ATP13A5: variants seen among roughly 807,000 people sequenced by gnomAD.
ATP13A5 encodes ATPase 13A5.
A neutral mutation model predicts 150.2 loss-of-function variants in ATP13A5; 149 were observed. The observed-to-expected ratio is 0.99, with a 90% CI of 0.87 to 1.14. The LOEUF is 1.14. Among genes scored for constraint, ATP13A5 ranks in the 50% most tolerant of loss-of-function variants. The probability of loss-of-function intolerance (pLI) is 0.00; values close to 1 mark genes in which losing one functional copy is unlikely to be tolerated. For missense variants in ATP13A5, 1,383 were observed against 1,449.3 expected (o/e 0.95, Z 0.74); for synonymous variants, 497 against 522.2 (o/e 0.95, Z 0.66).
intron 26 of ATP13A5, among the ~76,000 whole-genome samples, chr3:193,288,269 A>G (rs1164911040): frequency 6.6e-6 from 1 of 152,160 alleles, no homozygotes; most frequent in Admixed American, 6.6e-5. Context: ...ATTTGAAAGT[A>G]CTGAGATGGG....
Position 193,311,894 on chromosome 3 carries a change from T to G in ATP13A5, c.2367A>C (p.Gly789=). The change falls in exon 20 of 30, where the codon GGA becomes GGC. Residue 789 remains glycine (G), a synonymous_variant. Transcript: ENST00000342358. The stretch of plus-strand genomic sequence containing the variant: ...TCATTGCAAAATGGTAACAGCTTCC[T>G]CCTTCCCCACGAGGGGTTGAACTGT... ...TGNSSTPRGE[G]GSCYHFAMSG... 1.2e-6 allele frequency: 2 copies of G among 1,613,980 alleles called. No individual in the cohort carries two copies. Among genetic ancestry groups the G allele is most frequent in the Non-Finnish European group, 1.7e-6 (2 of 1,179,880 alleles).
intron 24 of ATP13A5, among the ~76,000 whole-genome samples, chr3:193,300,259 G>A (rs184803262): frequency 5.3e-5 from 8 of 152,120 alleles, no homozygotes; most frequent in Admixed American, 3.9e-4. Context: ...ATTTCCAACC[G>A]CAGCTTTAGT....
intron 7 of ATP13A5, 133 bp from the exon 8 acceptor site, chr3:193,345,208 T>C (rs1480818165): frequency 2.5e-6 from 2 of 785,610 alleles, no homozygotes; most frequent in Middle Eastern, 3.2e-4. Flanking sequence ...CTTCTTTTGA[T>C]GCTTCAGCTT....
chr3:193,351,201 C>A lies in ATP13A5; in HGVS notation c.607G>T (p.Val203Phe). The change falls in exon 7 of 30, where the codon GTT (valine) becomes TTT (phenylalanine). Residue 203 changes from valine (V) to phenylalanine (F), a missense_variant and splice_region_variant. This residue lies in a region of ATP13A5 where 787 missense variants were observed against 771.9 expected (regional missense o/e 1.02). Transcript: ENST00000342358. ...QPIWKLLVKQ[V>F]LNPFYVFQAF... Reference sequence around the variant, plus strand: ...TGGAACACATAGAATGGATTTAAAACCTGCAGGCACAAAAATGGCATTTGG... The same window carrying A: ...TGGAACACATAGAATGGATTTAAAAACTGCAGGCACAAAAATGGCATTTGG... 1 of 1,613,532 alleles carries A rather than the reference C, an allele frequency of 6.2e-7. No individual in the cohort carries two copies. Among genetic ancestry groups the A allele is most frequent in the Non-Finnish European group, 8.5e-7 (1 of 1,179,584 alleles).
At chr3:193,338,222 A>C (rs1169136259) in intron 9 of ATP13A5, among the ~76,000 whole-genome samples, 1 of 152,144 alleles carries the variant, frequency 6.6e-6, no homozygotes, top group Non-Finnish European at 1.5e-5. Context: ...AATACCCTTT[A>C]TTTCTTTCTC....
chr3:193,293,070 G>A (rs1718030955), intron 25 of ATP13A5, among the ~76,000 whole-genome samples: 1 of 152,104 alleles, frequency 6.6e-6, no homozygotes, highest in South Asian at 2.1e-4. Context: ...GCTCAGAAAA[G>A]TAGTTTCCTT....
At chr3:193,316,230 T>A (rs988556258) in intron 17 of ATP13A5, among the ~76,000 whole-genome samples, 2 of 152,154 alleles carry the variant, frequency 1.3e-5, no homozygotes, top group Non-Finnish European at 2.9e-5. Context: ...TTAGGTTGTT[T>A]CCATATCTTG....
intron 17 of ATP13A5, 86 bp from the exon 18 acceptor site, chr3:193,315,182 G>T: frequency 3.8e-6 from 5 of 1,327,842 alleles, no homozygotes; most frequent in South Asian, 1.5e-5. Flanking sequence ...AAATTTATAA[G>T]TTTTATTAAT....
chr3:193,291,692 T>G (rs558905321), intron 25 of ATP13A5, among the ~76,000 whole-genome samples: 1 of 152,082 alleles, frequency 6.6e-6, no homozygotes, highest in Admixed American at 6.6e-5. Flanking sequence ...AATGAAACCC[T>G]AATAAAAACT....
intron 28 of ATP13A5, among the ~76,000 whole-genome samples, chr3:193,278,701 G>T (rs1044597404): frequency 1.3e-5 from 2 of 152,010 alleles, no homozygotes; most frequent in South Asian, 2.1e-4. Context: ...CCACAGTGGG[G>T]CCTCCTTCTT....
At chr3:193,329,748 C>A (rs1226674201) in intron 12 of ATP13A5, among the ~76,000 whole-genome samples, 2 of 152,098 alleles carry the variant, frequency 1.3e-5, no homozygotes, top group African/African-American at 4.8e-5. Flanking sequence ...CAAGCCTGGT[C>A]GAGTCTACTC....
At chr3:193,294,025 A>C (rs1034951043) in intron 25 of ATP13A5, among the ~76,000 whole-genome samples, 1 of 152,044 alleles carries the variant, frequency 6.6e-6, no homozygotes, top group Non-Finnish European at 1.5e-5. Flanking sequence ...CAGGTCGATA[A>C]ATTTTCTCTT....
intron 6 of ATP13A5, 112 bp downstream of exon 6, chr3:193,354,015 G>A (rs141783156): frequency 2.8e-4 from 221 of 793,122 alleles, no homozygotes; most frequent in African/African-American, 2.7e-3. Flanking sequence ...AAAAGAAGTC[G>A]CATGAAACAA....
intron 27 of ATP13A5, among the ~76,000 whole-genome samples, chr3:193,283,893 A>G (rs1478066661): frequency 2.7e-5 from 4 of 150,248 alleles, no homozygotes; most frequent in Admixed American, 2.0e-4. Context: ...GTTTGCCTTG[A>G]CATTCTCTAT....
intron 25 of ATP13A5, among the ~76,000 whole-genome samples, chr3:193,297,176 G>A (rs935820103): frequency 1.3e-5 from 2 of 151,984 alleles, no homozygotes; most frequent in African/African-American, 2.4e-5. Context: ...TCTTCTTGTT[G>A]CTCTTCTTCC....
chr3:193,314,832 G>T, intron 18 of ATP13A5, 140 bp downstream of exon 18: 1 of 1,048,892 alleles, frequency 9.5e-7, no homozygotes, highest in Non-Finnish European at 1.4e-6. Context: ...CATGTTTTTA[G>T]GTAAGGGACT....
intron 1 of ATP13A5, among the ~76,000 whole-genome samples, chr3:193,375,585 G>GT: frequency 6.6e-6 from 1 of 152,334 alleles, no homozygotes; most frequent in Admixed American, 6.5e-5. Flanking sequence ...AGGGTGGGAA[G>GT]TGGATGGGAG....
At position 193,312,817 on chromosome 3, in the gene ATP13A5, C is replaced by T. The variant is rs536874977; in HGVS notation, c.2320-876G>A. ...GGGAGGCAAGATGACACACCCCTCC[C>T]TTTCTATCTCCAATTGCAAAATAAC... On this transcript the variant is annotated intron_variant, in intron 19 of 29. Coordinates refer to ENST00000342358, the MANE Select transcript of ATP13A5 (RefSeq NM_198505.4). 2.8e-4 allele frequency: 43 copies of T among 152,278 alleles called. 1 individual carries two copies. Among genetic ancestry groups the T allele is most frequent in the Admixed American group, 2.8e-3 (43 of 15,290 alleles). The allele number at this position is 152,278 out of a possible 1,614,324, so 9.4% of individuals were successfully genotyped here. A position where few individuals can be genotyped will look rare whatever the true frequency, so the allele number is the denominator to read the frequency against.
Position 193,311,951 on chromosome 3 carries a change from A to C in ATP13A5, c.2320-10T>G. 2 of 1,613,422 alleles carry C rather than the reference A, an allele frequency of 1.2e-6. No homozygotes were observed. The highest frequency in any genetic ancestry group is 2.2e-5 in the South Asian group (2 of 90,978). On this transcript the variant is annotated splice_polypyrimidine_tract_variant and intron_variant, in intron 19 of 29. Transcript: ENST00000342358. ...TATGCATGTAGATTTCCTAAAATCAAAAGGGCATCATTTCTACATTGACTC... is the reference window on the plus strand; with the variant it reads ...TATGCATGTAGATTTCCTAAAATCACAAGGGCATCATTTCTACATTGACTC...
Sources: gnomAD v4.1 joint callset for allele counts (sites outside exome capture counted in the v4.1 genomes callset) on GRCh38, gnomAD v4.1.1 for gene constraint, gnomAD v4.1.1 regional missense constraint, MANE v1.5 for transcripts, NCBI Gene and HGNC (gene_info 2026-07-23, HGNC 2026-07-21) for gene names.